Variants in SYT1 observed in about 807,000 individuals in gnomAD.
SYT1 encodes synaptotagmin 1.
Under a neutral mutation model 44.8 loss-of-function variants are expected in SYT1, and 8 were observed. The ratio of observed to expected loss-of-function variants is 0.18; its 90% CI spans 0.10 to 0.32. SYT1 has a LOEUF of 0.32. SYT1 is among the 10% of genes least tolerant of loss of function. The probability of loss-of-function intolerance (pLI) is 1.00; values close to 1 mark genes in which losing one functional copy is unlikely to be tolerated. For missense variants in SYT1, 286 were observed against 509.3 expected (o/e 0.56, Z 4.22); for synonymous variants, 154 against 188.8 (o/e 0.82, Z 1.51).
At chr12:79,023,091 G>A (rs954705244) in intron 2 of SYT1, among the ~76,000 whole-genome samples, 3 of 151,788 alleles carry the variant, frequency 2.0e-5, no homozygotes, top group Non-Finnish European at 4.4e-5. Context: ...TTGAGCAAAG[G>A]TCTAAAAAGC....
chr12:79,238,835 T>C (rs746343863), intron 4 of SYT1, among the ~76,000 whole-genome samples: 4 of 152,174 alleles, frequency 2.6e-5, no homozygotes, highest in Non-Finnish European at 4.4e-5. Flanking sequence ...AGAAATCCTT[T>C]TGGATATATT....
intron 3 of SYT1, among the ~76,000 whole-genome samples, chr12:79,179,393 GATATCC>G (rs1565842070): frequency 1.7e-5 from 1 of 58,544 alleles, no homozygotes; most frequent in African/African-American, 1.1e-4. Context: ...TATCGATATA[GATATCC>G]ATATAGATAT....
chr12:78,914,737 A>G (rs1172340093), intron 1 of SYT1, among the ~76,000 whole-genome samples: 2 of 151,970 alleles, frequency 1.3e-5, no homozygotes, highest in Non-Finnish European at 2.9e-5. Flanking sequence ...TATTAGGAAT[A>G]TTTATTTTTC....
At chr12:79,421,876 A>G (rs1263570233) in intron 9 of SYT1, among the ~76,000 whole-genome samples, 3 of 152,010 alleles carry the variant, frequency 2.0e-5, no homozygotes, top group South Asian at 2.1e-4. Context: ...CTTTCAATCT[A>G]TAAATGTGGT....
At chr12:79,119,250 A>G (rs920289805) in intron 3 of SYT1, among the ~76,000 whole-genome samples, 1 of 152,140 alleles carries the variant, frequency 6.6e-6, no homozygotes, top group Admixed American at 6.5e-5. Flanking sequence ...TTTGTCCTCC[A>G]TACTACTGCT....
At chr12:78,874,050 C>T (rs1303823269) in intron 1 of SYT1, among the ~76,000 whole-genome samples, 3 of 151,578 alleles carry the variant, frequency 2.0e-5, no homozygotes, top group Admixed American at 6.6e-5. Context: ...TGAATGAATA[C>T]AGGTATTCAT....
intron 2 of SYT1, among the ~76,000 whole-genome samples, chr12:79,015,482 T>C (rs1021942483): frequency 2.0e-5 from 3 of 152,212 alleles, no homozygotes; most frequent in African/African-American, 7.2e-5. Flanking sequence ...CTGATTCATA[T>C]TGTTGATGTC....
intron 3 of SYT1, among the ~76,000 whole-genome samples, chr12:79,179,149 TATATAGATATATAGATATAG>T (rs879593855): frequency 6.1e-5 from 6 of 98,208 alleles, no homozygotes; most frequent in South Asian, 3.5e-4. Context: ...TAGATATAGA[TATATAGATATATAGATATAG>T]ATATAGATAT....
At chr12:79,357,122 C>T (rs1014270580) in intron 9 of SYT1, among the ~76,000 whole-genome samples, 6 of 152,152 alleles carry the variant, frequency 3.9e-5, no homozygotes, top group Non-Finnish European at 8.8e-5. Flanking sequence ...TATTGCTCTC[C>T]AACAAGGTTA....
At chr12:79,073,709 C>A (rs1389896394) in intron 3 of SYT1, among the ~76,000 whole-genome samples, 1 of 152,152 alleles carries the variant, frequency 6.6e-6, no homozygotes, top group East Asian at 1.9e-4. Flanking sequence ...CTTACCCTTG[C>A]AGTATTTGTT....
intron 3 of SYT1, among the ~76,000 whole-genome samples, chr12:79,057,735 A>C (rs189055629): frequency 6.6e-6 from 1 of 151,914 alleles, no homozygotes; most frequent in South Asian, 2.1e-4. Flanking sequence ...GAGTACAGTC[A>C]TGGGTTCTTA....
At chr12:79,107,588 C>T (rs1878787942) in intron 3 of SYT1, among the ~76,000 whole-genome samples, 1 of 151,968 alleles carries the variant, frequency 6.6e-6, no homozygotes, top group Non-Finnish European at 1.5e-5. Context: ...ATATAGCATA[C>T]TTATTCTCTC....
At chr12:79,308,612 A>AAG (rs1462021152) in intron 8 of SYT1, among the ~76,000 whole-genome samples, 9,853 of 134,080 alleles carry the variant, frequency 0.073, 408 homozygotes, top group East Asian at 0.17. Context: ...GAAAGAAAGA[A>AAG]AAAGAAAGAA....
At chr12:79,052,628 A>C (rs563230891) in intron 3 of SYT1, among the ~76,000 whole-genome samples, 10 of 151,970 alleles carry the variant, frequency 6.6e-5, no homozygotes, top group Non-Finnish European at 1.5e-4. Context: ...GCTAATATCC[A>C]GAATCTACAA....
chr12:79,005,743 C>G (rs982974224), intron 2 of SYT1, among the ~76,000 whole-genome samples: 7 of 151,916 alleles, frequency 4.6e-5, no homozygotes, highest in Admixed American at 1.3e-4. Flanking sequence ...ATTACCAAGC[C>G]AGAAAAGAAT....
intron 3 of SYT1, among the ~76,000 whole-genome samples, chr12:79,137,180 C>T (rs1351906389): frequency 1.3e-5 from 2 of 152,070 alleles, no homozygotes; most frequent in Non-Finnish European, 2.9e-5. Context: ...ACTGCAACCT[C>T]CACCTCCCTG....
At chr12:79,052,762 A>G (rs866454361) in intron 3 of SYT1, among the ~76,000 whole-genome samples, 5 of 152,304 alleles carry the variant, frequency 3.3e-5, no homozygotes, top group African/African-American at 1.2e-4. Context: ...AAAAATGCTC[A>G]TCATCACTGG....
At chr12:79,167,120 G>A (rs1032242201) in intron 3 of SYT1, among the ~76,000 whole-genome samples, 8 of 151,982 alleles carry the variant, frequency 5.3e-5, no homozygotes, top group African/African-American at 1.9e-4. Context: ...AAAAATCTAT[G>A]TAGAAAGGAT....
At chr12:78,928,354 AC>A (rs1261960673) in intron 1 of SYT1, among the ~76,000 whole-genome samples, 1 of 152,082 alleles carries the variant, frequency 6.6e-6, no homozygotes, top group Non-Finnish European at 1.5e-5. Context: ...TCTAGCCATA[AC>A]TTTTATAGTG....
Sources: allele counts gnomAD v4.1 joint callset (sites outside exome capture counted in the v4.1 genomes callset), GRCh38; gene constraint gnomAD v4.1.1; transcripts MANE v1.5; gene names NCBI Gene and HGNC (gene_info 2026-07-23, HGNC 2026-07-21).